The following DPEP2 variants were observed in gnomAD, a reference collection of about 807,000 sequenced individuals.
DPEP2 encodes dipeptidase 2.
Under a neutral mutation model 51.8 loss-of-function variants are expected in DPEP2, and 45 were observed. That is an observed-to-expected ratio of 0.87 (90% confidence interval 0.68 to 1.11). The LOEUF is 1.11. Among genes scored for constraint, DPEP2 ranks in the 50% most tolerant of loss-of-function variants. The probability of loss-of-function intolerance (pLI) is 0.00; values close to 1 mark genes in which losing one functional copy is unlikely to be tolerated. For missense variants in DPEP2, 604 were observed against 631.9 expected (o/e 0.96, Z 0.47); for synonymous variants, 255 against 262.7 (o/e 0.97, Z 0.28).
At chr16:67,988,399 A>G (rs1208964070) in intron 9 of DPEP2, among the ~76,000 whole-genome samples, 2 of 149,548 alleles carry the variant, frequency 1.3e-5, no homozygotes, top group African/African-American at 5.1e-5. Flanking sequence ...ACAAAAAAGA[A>G]AGAAAGAAAG....
intron 1 of DPEP2, among the ~76,000 whole-genome samples, chr16:67,997,201 T>G (rs1023882695): frequency 4.0e-5 from 6 of 149,848 alleles, no homozygotes; most frequent in Non-Finnish European, 8.9e-5. Context: ...CCCGGCTAAT[T>G]TTTGTATTTT....
intron 1 of DPEP2, among the ~76,000 whole-genome samples, chr16:67,998,304 C>G (rs6499149): frequency 0.048 from 7,355 of 152,028 alleles, 550 homozygotes; most frequent in African/African-American, 0.16. Context: ...GGCCCGCACT[C>G]GGAGCGGCCC....
chr16:67,987,943 A>G lies in DPEP2; in HGVS notation c.1115T>C (p.Ile372Thr). ...LEDVSTYPVLIEELLSRGWSE... is the reference protein window; with the variant it reads ...LEDVSTYPVLTEELLSRGWSE... ...CCAGCCACGACTCAGCAACTCCTCTATCAGGACCGGGTATGTGGACACGTC... is the reference window on the plus strand; with the variant it reads ...CCAGCCACGACTCAGCAACTCCTCTGTCAGGACCGGGTATGTGGACACGTC... Residue 372 changes from isoleucine (I) to threonine (T), a missense_variant, in exon 10 of 11, where the codon ATA becomes ACA. Physicochemically the swap from Ile to Thr is moderately conservative, Grantham distance 89 (BLOSUM62 -1). Coordinates refer to ENST00000393847, the MANE Select transcript of DPEP2 (RefSeq NM_022355.4). The G allele has an allele frequency of 1.1e-5, 18 of 1,614,010 alleles. No homozygotes were observed. Among genetic ancestry groups the G allele is most frequent in the East Asian group, 4.5e-5 (2 of 44,884 alleles).
Position 67,991,249 on chromosome 16 carries a change from C to G in DPEP2, c.663-65G>C. ...CCTCGGCCTCAAGAGTCTAGAGGCC[C>G]TACCCACCCTCCATCCCTGCACCCC... On this transcript the variant is annotated intron_variant, in intron 5 of 10. Transcript: ENST00000393847. This position sits in a 1 kb window ranked among gnomAD's most constrained non-coding sequence, Gnocchi z 5.1. 6.6e-7 allele frequency: 1 copy of G among 1,515,822 alleles called. No individual in the cohort carries two copies. The allele number at this position is 1,515,822 out of a possible 1,614,324, so 93.9% of individuals were successfully genotyped here.
chr16:67,990,825 A>C lies in DPEP2; in HGVS notation c.905T>G (p.Leu302Arg). ...CTGGGCTGGGCAGTTTCTCACCAGA[A>C]GCTGCAGGATGTCATCAGGAACATT... is the stretch of plus-strand genomic sequence containing the variant. Reference protein sequence around the residue: ...ARNVPDDILQLLKKNGGVVMV... With the variant: ...ARNVPDDILQRLKKNGGVVMV... The change falls in exon 7 of 11, where the codon CTT becomes CGT. Residue 302 changes from leucine (L) to arginine (R), a missense_variant. Transcript: ENST00000393847. 1 of 1,611,662 alleles carries C rather than the reference A, an allele frequency of 6.2e-7. No homozygotes were observed. The highest frequency in any genetic ancestry group is 8.5e-7 in the Non-Finnish European group (1 of 1,178,146).
intron 9 of DPEP2, among the ~76,000 whole-genome samples, chr16:67,988,393 A>AAAAG (rs746468101): frequency 3.9e-4 from 58 of 150,126 alleles, no homozygotes; most frequent in South Asian, 1.5e-3. Context: ...AAAAAGACAA[A>AAAAG]AAAGAAAGAA....
intron 8 of DPEP2, 70 bp from the exon 9 acceptor site, chr16:67,989,468 G>A (rs2031849043): frequency 1.3e-6 from 2 of 1,515,282 alleles, no homozygotes; most frequent in Admixed American, 1.7e-5. Context: ...GGGGCTGGAT[G>A]GCACTGAGTC....
At position 67,991,617 on chromosome 16, in the gene DPEP2, A is replaced by T; in HGVS notation, c.662+221T>A. On this transcript the variant is annotated intron_variant, in intron 5 of 10. Transcript: ENST00000393847. The surrounding 1 kb of genome is among the most constrained non-coding windows in gnomAD (Gnocchi z 5.1). ...GGTCTCGAACTCCTGGCCTTAAGTT[A>T]TCTGTCCGCCTCAGCCTCCCAAAGT... 3.1e-6 allele frequency: 2 copies of T among 637,530 alleles called. No homozygotes were observed. The highest frequency in any genetic ancestry group is 4.6e-5 in the South Asian group (2 of 43,432). 39.5% of individuals were successfully genotyped at this position (637,530 alleles called of 1,614,324 possible).
chr16:67,987,852 C>T lies in DPEP2; in HGVS notation c.1206G>A (p.Lys402=), dbSNP rs768127528. Residue 402 remains lysine, a splice_region_variant and synonymous_variant, in exon 10 of 11, where the codon AAG becomes AAA. Transcript: ENST00000393847. ...NLLRVFRQVE[K]VQEENKWQSP... is the part of the protein sequence containing the mutation. ...TACTCTCTTGCCCAGCCCAGAGTACCTTTTCCACTTGTCTGAAGACCCGCA... is the reference window on the plus strand; with the variant it reads ...TACTCTCTTGCCCAGCCCAGAGTACTTTTTCCACTTGTCTGAAGACCCGCA... The T allele has an allele frequency of 1.1e-5, 17 of 1,614,078 alleles. No individual in the cohort carries two copies. Among genetic ancestry groups the T allele is most frequent in the Non-Finnish European group, 8.5e-7 (1 of 1,180,052 alleles).
chr16:67,997,956 G>T (rs1235723117), intron 1 of DPEP2, among the ~76,000 whole-genome samples: 1 of 152,220 alleles, frequency 6.6e-6, no homozygotes, highest in Admixed American at 6.5e-5. Flanking sequence ...CCAGCATCTA[G>T]CTAACTTAGA....
chr16:67,987,501 G>T lies in DPEP2; in HGVS notation c.*5C>A. On this transcript the variant is annotated 3_prime_UTR_variant, in exon 11 of 11. Transcript: ENST00000393847. ...CAGTGACATCTGGCAGGACTAACTG[G>T]GTCATCAGAGCCACAGAATAAGGAC... 6.2e-7 allele frequency: 1 copy of T among 1,604,574 alleles called. No homozygotes were observed. The highest frequency in any genetic ancestry group is 8.5e-7 in the Non-Finnish European group (1 of 1,172,048).
rs2032118725 is a variant in DPEP2 at position 67,991,268 on chromosome 16, G to A, written c.663-84C>T. ...GAGGCCCTACCCACCCTCCATCCCTGCACCCCCCTGAAACAAAAACAGGGA... is the reference window on the plus strand; with the variant it reads ...GAGGCCCTACCCACCCTCCATCCCTACACCCCCCTGAAACAAAAACAGGGA... On this transcript the variant is annotated intron_variant, in intron 5 of 10. Transcript: ENST00000393847. The surrounding 1 kb of genome is among the most constrained non-coding windows in gnomAD (Gnocchi z 5.1). 3 of 1,397,190 alleles carry A rather than the reference G, an allele frequency of 2.1e-6. No individual in the cohort carries two copies. The highest frequency in any genetic ancestry group is 2.9e-5 in the African/African-American group (2 of 70,066). 86.5% of individuals were successfully genotyped at this position (1,397,190 alleles called of 1,614,324 possible). A position where few individuals can be genotyped will look rare whatever the true frequency, so the allele number is the denominator to read the frequency against.
chr16:67,995,050 G>A (rs933534955), intron 1 of DPEP2: 21 of 233,942 alleles, frequency 9.0e-5, no homozygotes, highest in African/African-American at 4.7e-4. Flanking sequence ...ACAGGCATGC[G>A]CCACCACGCC....
At chr16:67,994,320 C>A in intron 1 of DPEP2, 1 of 985,374 alleles carries the variant, frequency 1.0e-6, no homozygotes, top group African/African-American at 1.7e-5. Flanking sequence ...GTGGCTTGAG[C>A]TCTCACAGAA....
chr16:67,998,612 A>C (rs1207389536), intron 1 of DPEP2, among the ~76,000 whole-genome samples: 9 of 152,226 alleles, frequency 5.9e-5, no homozygotes, highest in African/African-American at 2.2e-4. Flanking sequence ...CGCATGGCGC[A>C]GGACTGGCAG....
intron 1 of DPEP2, chr16:67,994,347 C>A: frequency 3.0e-6 from 3 of 985,290 alleles, no homozygotes; most frequent in Non-Finnish European, 3.6e-6. Context: ...AGGGCTGAGT[C>A]CCTTCCTTGA....
chr16:67,998,502 C>T (rs921544936), intron 1 of DPEP2, among the ~76,000 whole-genome samples: 1 of 152,206 alleles, frequency 6.6e-6, no homozygotes, highest in African/African-American at 2.4e-5. Context: ...CTCCCACCCC[C>T]TCCATGGGCT....
At position 67,991,794 on chromosome 16, in the gene DPEP2, C is replaced by T. The variant is rs1450847755; in HGVS notation, c.662+44G>A. 2.5e-6 allele frequency: 4 copies of T among 1,602,612 alleles called. No homozygotes were observed. In the African/African-American group the frequency reaches 5.3e-5, roughly 21 times the overall value. On this transcript the variant is annotated intron_variant, in intron 5 of 10. Transcript: ENST00000393847. This position sits in a 1 kb window ranked among gnomAD's most constrained non-coding sequence, Gnocchi z 5.1. Reference sequence around the variant, plus strand: ...GCCCACAGTGACCTCAGGCAGATCTCTGCCCCTGCCTCAGCGGTCCCACAC... The same window carrying T: ...GCCCACAGTGACCTCAGGCAGATCTTTGCCCCTGCCTCAGCGGTCCCACAC...
intron 1 of DPEP2, among the ~76,000 whole-genome samples, chr16:67,996,955 C>T (rs2151390141): frequency 6.6e-6 from 1 of 151,402 alleles, no homozygotes; most frequent in Middle Eastern, 3.4e-3. Context: ...GCATTCCAGC[C>T]TGGGTGACAG....
Sources: gnomAD v4.1 joint callset for allele counts (sites outside exome capture counted in the v4.1 genomes callset) on GRCh38, gnomAD v4.1.1 for gene constraint, Gnocchi (gnomAD v3.1) non-coding constraint, MANE v1.5 for transcripts, NCBI Gene and HGNC (gene_info 2026-07-23, HGNC 2026-07-21) for gene names.